Variants in MTA3 observed in about 807,000 individuals in gnomAD.
The protein encoded by MTA3 is metastasis associated 1 family member 3, also known as metastasis-associated protein MTA3.
A neutral mutation model predicts 83.5 loss-of-function variants in MTA3; 34 were observed. The ratio of observed to expected loss-of-function variants is 0.41; its 90% confidence interval spans 0.31 to 0.54. MTA3 has a LOEUF of 0.54. Among genes scored for constraint, MTA3 ranks in the 20% least tolerant of loss-of-function variants. The pLI, the probability that MTA3 is intolerant of heterozygous loss-of-function variation, is 0.33. For missense variants in MTA3, 761 were observed against 726.4 expected, an observed-to-expected ratio of 1.05 and a Z score of -0.55; for synonymous variants, 303 against 252.7, an observed-to-expected ratio of 1.20 and a Z score of -1.89.
intron 2 of MTA3, among the ~76,000 whole-genome samples, chr2:42,527,052 C>CAAAA (rs34030475): frequency 0.03 from 1,329 of 44,744 alleles, 60 homozygotes; most frequent in Non-Finnish European, 0.04. Context: ...GACTCTGTCT[C>CAAAA]AAAAAAAAAA....
chr2:42,696,140 A>G (rs967257363), intron 10 of MTA3, among the ~76,000 whole-genome samples: 9 of 152,210 alleles, frequency 5.9e-5, no homozygotes, highest in African/African-American at 1.7e-4. Context: ...CAAAGATGTG[A>G]TGCTAACACA....
chr2:42,531,177 C>G (rs904124539), intron 2 of MTA3, among the ~76,000 whole-genome samples: 5 of 152,132 alleles, frequency 3.3e-5, no homozygotes, highest in African/African-American at 1.2e-4. Context: ...GTAAGCCGGA[C>G]TTTCATAAGA....
intron 2 of MTA3, among the ~76,000 whole-genome samples, chr2:42,498,033 G>C (rs1042252432): frequency 6.6e-6 from 1 of 152,124 alleles, no homozygotes; most frequent in Non-Finnish European, 1.5e-5. Context: ...TGCATAACTG[G>C]ATGTGTTCGA....
chr2:42,629,848 G>C (rs762950027), intron 4 of MTA3, among the ~76,000 whole-genome samples: 4 of 151,694 alleles, frequency 2.6e-5, no homozygotes, highest in Non-Finnish European at 5.9e-5. Context: ...GCATGATCTC[G>C]GCTCTCTGCA....
intron 2 of MTA3, among the ~76,000 whole-genome samples, chr2:42,551,647 A>T (rs991300404): frequency 2.0e-5 from 3 of 152,156 alleles, no homozygotes; most frequent in Non-Finnish European, 4.4e-5. Context: ...ATGGAGAGGA[A>T]TAAAGCGGGA....
intron 2 of MTA3, among the ~76,000 whole-genome samples, chr2:42,541,127 G>T (rs1218227603): frequency 6.6e-6 from 1 of 151,806 alleles, no homozygotes; most frequent in Non-Finnish European, 1.5e-5. Flanking sequence ...CGCCTCCCAG[G>T]TTCAAGTGAT....
chr2:42,571,794 A>G (rs1381443502), intron 2 of MTA3, among the ~76,000 whole-genome samples: 3 of 151,964 alleles, frequency 2.0e-5, no homozygotes, highest in East Asian at 1.9e-4. Flanking sequence ...CTAAAAATAC[A>G]AAATTAGCTG....
chr2:42,561,194 G>A lies in MTA3; in HGVS notation c.-140-9243G>A, dbSNP rs902547128. ...GTGTTCACTCTATTTCATTATTTTA[G>A]TTTCTTTTCAGTTCTTAGCATATAC... is the stretch of plus-strand genomic sequence containing the variant. On this transcript the variant is annotated intron_variant, in intron 2 of 17. Transcript: ENST00000405592. 2.6e-5 allele frequency among the ~76,000 whole-genome samples: 4 copies of A among 152,028 alleles called. No individual in the cohort carries two copies. In the South Asian group the frequency reaches 8.3e-4, roughly 32 times the overall value.
In MTA3 at chr2:42,545,326, C is replaced by T. The variant is rs113830978; in HGVS notation, c.-140-25111C>T. On this transcript the variant is annotated intron_variant, in intron 2 of 17. Transcript: ENST00000405592. ...CTGGGAGGCTGAGGCTGCAGTGAGC[C>T]GTGATCATACCACTGCATTCCAGCC... 3.6e-3 allele frequency among the ~76,000 whole-genome samples: 553 copies of T among 151,992 alleles called. 5 individuals carry two copies. Among genetic ancestry groups the T allele is most frequent in the African/African-American group, 0.012 (516 of 41,472 alleles).
At chr2:42,587,397 C>T (rs1680468437) in intron 3 of MTA3, among the ~76,000 whole-genome samples, 1 of 152,042 alleles carries the variant, frequency 6.6e-6, no homozygotes, top group South Asian at 2.1e-4. Flanking sequence ...TATCAGGACC[C>T]CCCAAAACCC....
At chr2:42,636,640 T>C (rs1687227681) in intron 4 of MTA3, among the ~76,000 whole-genome samples, 1 of 150,216 alleles carries the variant, frequency 6.7e-6, no homozygotes, top group African/African-American at 2.4e-5. Context: ...TTTTTTTTTT[T>C]TTTTTGAGAC....
intron 11 of MTA3, among the ~76,000 whole-genome samples, chr2:42,698,691 C>T (rs982808775): frequency 6.6e-6 from 1 of 151,994 alleles, no homozygotes; most frequent in African/African-American, 2.4e-5. Context: ...TAATAACTAG[C>T]CTTTTGTTTC....
chr2:42,733,816 A>T (rs1402687282), intron 16 of MTA3, among the ~76,000 whole-genome samples: 2 of 152,018 alleles, frequency 1.3e-5, no homozygotes, highest in Non-Finnish European at 2.9e-5. Flanking sequence ...CATATTGTTT[A>T]ATTTCCATGT....
At chr2:42,523,542 C>A (rs929070372) in intron 2 of MTA3, among the ~76,000 whole-genome samples, 1 of 152,200 alleles carries the variant, frequency 6.6e-6, no homozygotes, top group African/African-American at 2.4e-5. Flanking sequence ...CCGACCTAGA[C>A]GCTCATCTCA....
chr2:42,539,998 C>A (rs1334011875), intron 2 of MTA3, among the ~76,000 whole-genome samples: 1 of 152,002 alleles, frequency 6.6e-6, no homozygotes, highest in African/African-American at 2.4e-5. Flanking sequence ...AACTCCTCTG[C>A]CACCAGAAAG....
At chr2:42,743,078 C>T (rs1373901875) in intron 16 of MTA3, among the ~76,000 whole-genome samples, 1 of 152,198 alleles carries the variant, frequency 6.6e-6, no homozygotes, top group Non-Finnish European at 1.5e-5. Context: ...ATAGAACATC[C>T]TGACCTTGAG....
chr2:42,640,825 A>G (rs986247694), intron 5 of MTA3, among the ~76,000 whole-genome samples: 5 of 152,212 alleles, frequency 3.3e-5, no homozygotes, highest in African/African-American at 1.2e-4. Flanking sequence ...GTATGGTGGG[A>G]AACATATTTT....
chr2:42,698,999 G>A (rs2104479733), intron 11 of MTA3, among the ~76,000 whole-genome samples: 1 of 152,246 alleles, frequency 6.6e-6, no homozygotes, highest in Admixed American at 6.5e-5. Flanking sequence ...TCAAAAGCAA[G>A]CATACCAGCT....
intron 6 of MTA3, among the ~76,000 whole-genome samples, chr2:42,648,300 C>A (rs1161282223): frequency 6.6e-6 from 1 of 152,196 alleles, no homozygotes. Flanking sequence ...AATAGTAGGA[C>A]ATATCATATT....
Sources: gnomAD v4.1 joint callset for allele counts (sites outside exome capture counted in the v4.1 genomes callset) on GRCh38, gnomAD v4.1.1 for gene constraint, MANE v1.5 for transcripts, NCBI Gene and HGNC (gene_info 2026-07-23, HGNC 2026-07-21) for gene names.